The following SEZ6L variants were observed in gnomAD, a reference collection of about 807,000 sequenced individuals.
SEZ6L encodes seizure related 6 homolog like, also known as seizure 6-like protein.
In SEZ6L, 37 loss-of-function variants were observed where a neutral mutation model predicts 106.2. That is an observed-to-expected ratio of 0.35 (90% CI 0.27 to 0.46). SEZ6L has a LOEUF of 0.46. Ranked by LOEUF, SEZ6L falls within the 20% of genes least tolerant of loss-of-function variation. The pLI is 1.00. For synonymous variants in SEZ6L, 541 were observed against 570.4 expected, an observed-to-expected ratio of 0.95 and a Z score of 0.73; for missense variants, 1,172 against 1,332.8, an observed-to-expected ratio of 0.88 and a Z score of 1.88.
intron 9 of SEZ6L, among the ~76,000 whole-genome samples, chr22:26,331,094 A>G (rs1327614919): frequency 6.6e-6 from 1 of 152,168 alleles, no homozygotes; most frequent in Non-Finnish European, 1.5e-5. Flanking sequence ...AACCTCACCT[A>G]CCACCTGCTC....
At chr22:26,256,498 G>A (rs930733290) in intron 1 of SEZ6L, among the ~76,000 whole-genome samples, 3 of 152,234 alleles carry the variant, frequency 2.0e-5, no homozygotes, top group African/African-American at 7.2e-5. Flanking sequence ...GGCCTTGTCT[G>A]AAACATTGGA....
At chr22:26,192,805 A>G (rs559418970) in intron 1 of SEZ6L, among the ~76,000 whole-genome samples, 185 of 152,334 alleles carry the variant, frequency 1.2e-3, no homozygotes, top group Non-Finnish European at 2.2e-3. Context: ...CAGACAGATT[A>G]TGCAAAAGGC....
chr22:26,278,015 G>T (rs779505876), intron 1 of SEZ6L, among the ~76,000 whole-genome samples: 1 of 152,238 alleles, frequency 6.6e-6, no homozygotes, highest in Non-Finnish European at 1.5e-5. Flanking sequence ...GGCATTGATT[G>T]ATTGAACTCA....
rs1263128379 is a variant in SEZ6L, at chr22:26,212,259, G to A, written c.94+42496G>A. Among the ~76,000 whole-genome samples, 10 of 152,216 alleles carry A rather than the reference G, an allele frequency of 6.6e-5. 1 individual carries two copies. Among genetic ancestry groups the A allele is most frequent in the Middle Eastern group, 6.8e-3 (2 of 294 alleles). ...GCCTGGTCTTTATCATAAACAGAAT[G>A]TAAAGGTTTTACAGTCCCATGAAGT... On this transcript the variant is annotated intron_variant, in intron 1 of 16. Transcript: ENST00000248933.
chr22:26,320,554 T>C (rs1343566162), intron 9 of SEZ6L, among the ~76,000 whole-genome samples: 1 of 152,218 alleles, frequency 6.6e-6, no homozygotes, highest in East Asian at 1.9e-4. Context: ...CATATATTTA[T>C]TGAGCATCCA....
chr22:26,382,080 G>A lies in SEZ6L; in HGVS notation c.*1785G>A, dbSNP rs1417064870. ...TCTAAGACCAGAATATTTTCCTTCT[G>A]CCAGAAAAGAATCTTGCACATATAC... On this transcript the variant is annotated 3_prime_UTR_variant, in exon 17 of 17. Coordinates refer to ENST00000248933, the MANE Select transcript of SEZ6L (RefSeq NM_021115.5). 1 of 518,106 alleles carries A rather than the reference G, an allele frequency of 1.9e-6. No individual in the cohort carries two copies. The highest frequency in any genetic ancestry group is 3.9e-6 in the Non-Finnish European group (1 of 259,568). 32.1% of individuals were successfully genotyped at this position (518,106 alleles called of 1,614,324 possible).
intron 9 of SEZ6L, among the ~76,000 whole-genome samples, chr22:26,326,549 T>C (rs1488591187): frequency 6.6e-6 from 1 of 152,124 alleles, no homozygotes; most frequent in Non-Finnish European, 1.5e-5. Context: ...AGTCACACGA[T>C]TTGTTCTCCA....
At position 26,373,472 on chromosome 22, in the gene SEZ6L, A is replaced by G; in HGVS notation, c.2816A>G (p.His939Arg). 2 of 1,600,704 alleles carry G rather than the reference A, an allele frequency of 1.2e-6. No individual in the cohort carries two copies. Among genetic ancestry groups the G allele is most frequent in the African/African-American group, 1.4e-5 (1 of 73,952 alleles). The change falls in exon 14 of 17, where the codon CAT becomes CGT. Residue 939 changes from histidine to arginine, a missense_variant. By Grantham distance (29) the His-to-Arg change is conservative. Transcript: ENST00000248933. ...TCAGTTAATCAAGACAGTTTTGAACATGCTTTAGAAGGTGAGTTCCAGAAC... is the reference window on the plus strand; with the variant it reads ...TCAGTTAATCAAGACAGTTTTGAACGTGCTTTAGAAGGTGAGTTCCAGAAC... The part of the protein sequence containing the change: ...VCKVNQDSFE[H>R]ALEVAEAAAE...
intron 1 of SEZ6L, among the ~76,000 whole-genome samples, chr22:26,257,224 C>T (rs190193092): frequency 1.3e-5 from 2 of 152,180 alleles, no homozygotes; most frequent in East Asian, 3.9e-4. Flanking sequence ...TTAAGGAACC[C>T]CAATCTAGGT....
chr22:26,235,180 G>T (rs1422666225), intron 1 of SEZ6L, among the ~76,000 whole-genome samples: 1 of 152,104 alleles, frequency 6.6e-6, no homozygotes, highest in Non-Finnish European at 1.5e-5. Flanking sequence ...TCCCTGGTTT[G>T]GGACAGGAGG....
intron 12 of SEZ6L, among the ~76,000 whole-genome samples, chr22:26,361,442 G>A (rs1382814272): frequency 6.0e-5 from 9 of 150,310 alleles, no homozygotes; most frequent in Non-Finnish European, 1.2e-4. Flanking sequence ...AGGAGGCTGA[G>A]GTTGCAGTGA....
chr22:26,380,495 C>T lies in SEZ6L; in HGVS notation c.*200C>T, dbSNP rs550191854. The T allele has an allele frequency of 1.8e-4, 81 of 446,992 alleles. No individual in the cohort carries two copies. Among genetic ancestry groups the T allele is most frequent in the Admixed American group, 5.0e-4 (14 of 27,744 alleles). 27.7% of individuals were successfully genotyped at this position (446,992 alleles called of 1,614,324 possible). On this transcript the variant is annotated 3_prime_UTR_variant, in exon 17 of 17. Coordinates refer to ENST00000248933, the MANE Select transcript of SEZ6L (RefSeq NM_021115.5). ...AATAGGTGTGGGTTTGGATGTTTCG[C>T]GGCCTCAGCCAAATTCATGTTACAG... is the stretch of plus-strand genomic sequence containing the variant.
At chr22:26,309,824 C>T (rs577195262) in intron 6 of SEZ6L, among the ~76,000 whole-genome samples, 44 of 152,236 alleles carry the variant, frequency 2.9e-4, no homozygotes, top group Admixed American at 2.8e-3. Flanking sequence ...GGTGATCCAC[C>T]CACCTTGGCC....
intron 9 of SEZ6L, among the ~76,000 whole-genome samples, chr22:26,325,765 A>C (rs1033054717): frequency 3.6e-5 from 2 of 55,684 alleles, no homozygotes; most frequent in Admixed American, 2.1e-4. Flanking sequence ...CATCTCTTCG[A>C]GTTCTGAGAT....
intron 1 of SEZ6L, among the ~76,000 whole-genome samples, chr22:26,177,425 A>G (rs2123768201): frequency 6.6e-6 from 1 of 152,334 alleles, no homozygotes; most frequent in Admixed American, 6.5e-5. Flanking sequence ...CACTAAAGCC[A>G]TCTTTCTTTC....
intron 1 of SEZ6L, among the ~76,000 whole-genome samples, chr22:26,194,974 A>G (rs750216175): frequency 1.3e-5 from 2 of 152,208 alleles, no homozygotes; most frequent in Non-Finnish European, 2.9e-5. Flanking sequence ...ATCCACTGAC[A>G]TGTTCCTTTT....
intron 5 of SEZ6L, among the ~76,000 whole-genome samples, 183 bp from the exon 6 acceptor site, chr22:26,305,796 C>A (rs1004263058): frequency 2.0e-5 from 3 of 152,228 alleles, no homozygotes; most frequent in Non-Finnish European, 4.4e-5. Flanking sequence ...CTTTCTCTCC[C>A]TGCCCGGTTT....
At position 26,333,437 on chromosome 22, in the gene SEZ6L, T is replaced by C. The variant is rs1234552270; in HGVS notation, c.2016-6999T>C. On this transcript the variant is annotated intron_variant, in intron 9 of 16. Coordinates refer to ENST00000248933, the MANE Select transcript of SEZ6L (RefSeq NM_021115.5). ...GTTTTCAACTTAACCCTGGGGAGCATGCTGAAAGCAGCCAGGGCACTGGCT... is the reference window on the plus strand; with the variant it reads ...GTTTTCAACTTAACCCTGGGGAGCACGCTGAAAGCAGCCAGGGCACTGGCT... Among the ~76,000 whole-genome samples, 3 of 152,154 alleles carry C rather than the reference T, an allele frequency of 2.0e-5. No homozygotes were observed. The East Asian group carries it at 5.8e-4, about 29-fold the overall frequency.
At chr22:26,288,992 C>A (rs639183) in intron 1 of SEZ6L, among the ~76,000 whole-genome samples, 45,149 of 152,164 alleles carry the variant, frequency 0.3, 7,953 homozygotes, top group Non-Finnish European at 0.41. Context: ...TAACAAATGG[C>A]TCTAAGAATA....
Sources: allele counts gnomAD v4.1 joint callset (sites outside exome capture counted in the v4.1 genomes callset), GRCh38; gene constraint gnomAD v4.1.1; transcripts MANE v1.5; gene names NCBI Gene and HGNC (gene_info 2026-07-23, HGNC 2026-07-21).